The following TMEM178B variants were observed in gnomAD, a reference collection of about 807,000 sequenced individuals.
TMEM178B encodes the protein transmembrane protein 178B.
Under a neutral mutation model 31.0 loss-of-function variants are expected in TMEM178B, and 5 were observed. The observed-to-expected ratio is 0.16, with a 90% CI of 0.08 to 0.34. The LOEUF (loss-of-function observed/expected upper bound fraction) is 0.34. Among genes scored for constraint, TMEM178B ranks in the 10% least tolerant of loss-of-function variants. The pLI is 1.00. For synonymous variants in TMEM178B, 164 were observed against 164.0 expected, an observed-to-expected ratio of 1.00 and a Z score of 0.00; for missense variants, 275 against 400.3, an observed-to-expected ratio of 0.69 and a Z score of 2.67.
chr7:141,366,444 C>G (rs1800006104), intron 2 of TMEM178B, among the ~76,000 whole-genome samples: 1 of 152,166 alleles, frequency 6.6e-6, no homozygotes, highest in South Asian at 2.1e-4. Context: ...CCTGTTAGAC[C>G]AAAGGATACA....
At chr7:141,303,443 G>T (rs191079555) in intron 2 of TMEM178B, among the ~76,000 whole-genome samples, 56 of 152,320 alleles carry the variant, frequency 3.7e-4, no homozygotes, top group African/African-American at 1.3e-3. Context: ...TGCTGCAGGA[G>T]CTGGCTTCAC....
intron 2 of TMEM178B, among the ~76,000 whole-genome samples, chr7:141,307,069 C>T (rs1284113109): frequency 6.6e-6 from 1 of 152,152 alleles, no homozygotes; most frequent in Non-Finnish European, 1.5e-5. Flanking sequence ...TCTGACTCAG[C>T]AGCCCTTCAC....
At chr7:141,448,180 C>G (rs1361558521) in intron 3 of TMEM178B, among the ~76,000 whole-genome samples, 2 of 152,060 alleles carry the variant, frequency 1.3e-5, no homozygotes, top group African/African-American at 4.8e-5. Flanking sequence ...AGAACACAAC[C>G]TGTTAATCAG....
At chr7:141,443,745 C>T (rs962547805) in intron 3 of TMEM178B, among the ~76,000 whole-genome samples, 46 of 152,138 alleles carry the variant, frequency 3.0e-4, no homozygotes, top group Non-Finnish European at 8.8e-5. Flanking sequence ...TGGAGTGCTG[C>T]GATGGAGATG....
At chr7:141,353,856 T>A (rs1799775760) in intron 2 of TMEM178B, among the ~76,000 whole-genome samples, 1 of 152,262 alleles carries the variant, frequency 6.6e-6, no homozygotes, top group African/African-American at 2.4e-5. Context: ...ATTTTAGTTA[T>A]ACTAATGGAC....
chr7:141,405,304 G>T (rs983236244), intron 2 of TMEM178B, among the ~76,000 whole-genome samples: 1 of 152,260 alleles, frequency 6.6e-6, no homozygotes, highest in African/African-American at 2.4e-5. Flanking sequence ...TATGCCAAGG[G>T]CTCGGCCTGG....
intron 1 of TMEM178B, among the ~76,000 whole-genome samples, chr7:141,201,655 G>C (rs1044488468): frequency 6.6e-6 from 1 of 152,158 alleles, no homozygotes; most frequent in African/African-American, 2.4e-5. Context: ...TAAGTGGCTT[G>C]TCCTGGGAAT....
chr7:141,236,792 A>G (rs2129192631), intron 2 of TMEM178B, among the ~76,000 whole-genome samples: 1 of 152,356 alleles, frequency 6.6e-6, no homozygotes, highest in South Asian at 2.1e-4. Context: ...AAGGGAAATT[A>G]CAAAGGAAAA....
Position 141,228,119 on chromosome 7 carries a change from C to T in TMEM178B, c.496+15415C>T, listed in dbSNP as rs547971574. ...TTAGGCATCTAATAAATGCATGAAT[C>T]GTGTATCTTTTTGGCTTTCAGGTCT... On this transcript the variant is annotated intron_variant, in intron 2 of 3. Coordinates refer to ENST00000565468, the MANE Select transcript of TMEM178B (RefSeq NM_001195278.2). 7.9e-5 allele frequency among the ~76,000 whole-genome samples: 12 copies of T among 152,214 alleles called. No homozygotes were observed. The East Asian group carries it at 1.5e-3, about 20-fold the overall frequency.
At chr7:141,438,282 G>A (rs1323417263) in intron 3 of TMEM178B, among the ~76,000 whole-genome samples, 7 of 151,958 alleles carry the variant, frequency 4.6e-5, no homozygotes, top group East Asian at 1.9e-4. Context: ...TTATTTTACC[G>A]TCATGTGCAT....
intron 2 of TMEM178B, among the ~76,000 whole-genome samples, chr7:141,375,358 A>G (rs1316997459): frequency 6.6e-6 from 1 of 152,206 alleles, no homozygotes; most frequent in African/African-American, 2.4e-5. Context: ...TGAATTGCAA[A>G]AAGTGAGTCC....
rs556468255 is a variant in TMEM178B at position 141,194,918 on chromosome 7, C to A, written c.383-17673C>A. On this transcript the variant is annotated intron_variant, in intron 1 of 3. Coordinates refer to ENST00000565468, the MANE Select transcript of TMEM178B (RefSeq NM_001195278.2). ...CAGGCTCAACACCACGTGGAAGCTGCCAAGGCTTGGGGCTTCCACCCACTG... is the reference window on the plus strand; with the variant it reads ...CAGGCTCAACACCACGTGGAAGCTGACAAGGCTTGGGGCTTCCACCCACTG... Among the ~76,000 whole-genome samples the A allele has an allele frequency of 1.3e-3, 196 of 152,362 alleles. 2 individuals carry two copies. The highest frequency in any genetic ancestry group is 4.6e-3 in the African/African-American group (193 of 41,594).
intron 2 of TMEM178B, among the ~76,000 whole-genome samples, chr7:141,323,323 A>G (rs1262272705): frequency 6.6e-6 from 1 of 152,214 alleles, no homozygotes; most frequent in Non-Finnish European, 1.5e-5. Context: ...ACACAAATAC[A>G]TGTACATACA....
chr7:141,292,369 G>A (rs1384793291), intron 2 of TMEM178B, among the ~76,000 whole-genome samples: 1 of 152,198 alleles, frequency 6.6e-6, no homozygotes, highest in Non-Finnish European at 1.5e-5. Context: ...TTGCCATCTT[G>A]TCTAGGAGTC....
At chr7:141,136,850 A>G (rs1795683485) in intron 1 of TMEM178B, among the ~76,000 whole-genome samples, 1 of 152,198 alleles carries the variant, frequency 6.6e-6, no homozygotes, top group Non-Finnish European at 1.5e-5. Context: ...TTGGTGACAG[A>G]GTGAGACCCA....
chr7:141,429,337 A>G (rs944428919), intron 2 of TMEM178B, among the ~76,000 whole-genome samples: 4 of 128,710 alleles, frequency 3.1e-5, no homozygotes, highest in Non-Finnish European at 6.9e-5. Flanking sequence ...ACACACACAC[A>G]CACTCATACA....
chr7:141,240,527 A>G (rs1209144319), intron 2 of TMEM178B, among the ~76,000 whole-genome samples: 1 of 152,260 alleles, frequency 6.6e-6, no homozygotes, highest in Non-Finnish European at 1.5e-5. Context: ...GTAGAAAGTT[A>G]ATGATTTTCT....
intron 1 of TMEM178B, among the ~76,000 whole-genome samples, chr7:141,147,476 A>G (rs1041284238): frequency 6.6e-6 from 1 of 152,190 alleles, no homozygotes; most frequent in Non-Finnish European, 1.5e-5. Flanking sequence ...AAAATGCCAC[A>G]TGGAGGATGG....
At chr7:141,109,002 ATT>A (rs1795192198) in intron 1 of TMEM178B, among the ~76,000 whole-genome samples, 2 of 152,132 alleles carry the variant, frequency 1.3e-5, no homozygotes, top group Admixed American at 1.3e-4. Flanking sequence ...AGTGAAACGG[ATT>A]TCCCCTTATC....
Sources: allele counts gnomAD v4.1 joint callset (sites outside exome capture counted in the v4.1 genomes callset), GRCh38; gene constraint gnomAD v4.1.1; transcripts MANE v1.5; gene names NCBI Gene and HGNC (gene_info 2026-07-23, HGNC 2026-07-21).